TANC2: variants seen among roughly 807,000 people sequenced by gnomAD.
TANC2 encodes the protein protein TANC2.
TANC2 carries 26 observed loss-of-function variants against 210.5 expected under a neutral mutation model. The observed-to-expected ratio is 0.12, with a 90% CI of 0.09 to 0.17. The LOEUF is 0.17. Ranked by LOEUF, TANC2 falls within the 10% of genes least tolerant of loss-of-function variation. TANC2 has a pLI of 1.00. For missense variants in TANC2, 2,129 were observed against 2,608.9 expected, an observed-to-expected ratio of 0.82 and a Z score of 4.01; for synonymous variants, 931 against 967.1, an observed-to-expected ratio of 0.96 and a Z score of 0.69.
intron 7 of TANC2, among the ~76,000 whole-genome samples, chr17:63,207,073 T>C (rs1473237231): frequency 6.6e-6 from 1 of 152,140 alleles, no homozygotes; most frequent in Non-Finnish European, 1.5e-5. Flanking sequence ...AGAGGTCATC[T>C]GAATTTTGTG....
At chr17:63,362,855 C>A (rs1305483981) in intron 14 of TANC2, among the ~76,000 whole-genome samples, 1 of 152,192 alleles carries the variant, frequency 6.6e-6, no homozygotes, top group Admixed American at 6.5e-5. Flanking sequence ...CTGGGCAGGG[C>A]TCCCACCCTG....
intron 2 of TANC2, among the ~76,000 whole-genome samples, chr17:63,047,506 A>G (rs2035428774): frequency 6.6e-6 from 1 of 152,152 alleles, no homozygotes; most frequent in Non-Finnish European, 1.5e-5. Flanking sequence ...GAATTCATTG[A>G]GATGGGGAGC....
chr17:63,122,465 A>G lies in TANC2; in HGVS notation c.322+23108A>G, dbSNP rs180880078. Among the ~76,000 whole-genome samples the G allele has an allele frequency of 5.3e-5, 8 of 152,324 alleles. No homozygotes were observed. In the East Asian group the frequency reaches 1.2e-3, roughly 22 times the overall value. ...AAGATATGGAAACATGGCTGGGTCT[A>G]GTGGCTCATGCCTGTAATCCCAGCA... On this transcript the variant is annotated intron_variant, in intron 4 of 27. Coordinates refer to ENST00000689528, the Ensembl canonical transcript of TANC2.
chr17:63,347,346 A>C (rs1024033924), intron 12 of TANC2, among the ~76,000 whole-genome samples: 45 of 152,186 alleles, frequency 3.0e-4, no homozygotes, highest in Admixed American at 5.9e-4. Context: ...TTGAGGACTG[A>C]CTGGAGGAGA....
intron 11 of TANC2, among the ~76,000 whole-genome samples, chr17:63,320,132 G>A (rs764502455): frequency 2.2e-4 from 34 of 152,004 alleles, no homozygotes; most frequent in Admixed American, 1.4e-3. Context: ...TCACTCTGGC[G>A]CCAAGGATAA....
At chr17:63,217,354 G>A (rs1444126975) in intron 7 of TANC2, among the ~76,000 whole-genome samples, 1 of 152,132 alleles carries the variant, frequency 6.6e-6, no homozygotes, top group Non-Finnish European at 1.5e-5. Context: ...TTAAGGGTGA[G>A]GTAGGGACAT....
chr17:63,419,138 A>T (rs1319352328), intron 27 of TANC2, among the ~76,000 whole-genome samples: 1 of 152,196 alleles, frequency 6.6e-6, no homozygotes, highest in Non-Finnish European at 1.5e-5. Context: ...ATGGGAAAGA[A>T]CTGCTTCAGG....
chr17:62,996,732 C>T (rs752954839), intron 1 of TANC2, among the ~76,000 whole-genome samples: 2 of 151,926 alleles, frequency 1.3e-5, no homozygotes, highest in South Asian at 4.2e-4. Context: ...TTTCTCTCTT[C>T]GTTTTTTTTG....
At position 63,082,583 on chromosome 17, in the gene TANC2, A is replaced by C. The variant is rs561425223; in HGVS notation, c.139+8569A>C. Among the ~76,000 whole-genome samples, 8 of 152,292 alleles carry C rather than the reference A, an allele frequency of 5.3e-5. No homozygotes were observed. In the East Asian group the frequency reaches 9.6e-4, roughly 18 times the overall value. ...GAAGGGGAAATCACAAGGAGCTAGA[A>C]ATGAGCAGAGAGGTAATTTTCTGAT... On this transcript the variant is annotated intron_variant, in intron 3 of 27. Transcript: ENST00000689528.
At chr17:63,245,007 A>G (rs2042877658) in intron 8 of TANC2, among the ~76,000 whole-genome samples, 2 of 152,160 alleles carry the variant, frequency 1.3e-5, no homozygotes, top group Admixed American at 1.3e-4. Flanking sequence ...TGTGTAAATT[A>G]CCCAGTCTAG....
intron 5 of TANC2, among the ~76,000 whole-genome samples, chr17:63,166,335 G>T (rs1343060440): frequency 6.6e-6 from 1 of 151,958 alleles, no homozygotes; most frequent in Non-Finnish European, 1.5e-5. Context: ...GAGAGATAGA[G>T]ATTGTTTGGA....
chr17:63,358,431 CTG>C (rs1457848092), intron 14 of TANC2, among the ~76,000 whole-genome samples: 3 of 115,568 alleles, frequency 2.6e-5, no homozygotes, highest in Non-Finnish European at 5.6e-5. Flanking sequence ...GTGTATCAAA[CTG>C]TAAGCAGAGT....
chr17:62,967,309 G>C (rs1285339367), intron 1 of TANC2: 1 of 152,102 alleles, frequency 6.6e-6, no homozygotes, highest in African/African-American at 2.4e-5. Context: ...TTTTGAGGTA[G>C]AGAAAGTAAC....
chr17:63,115,012 G>T (rs550475827), intron 4 of TANC2, among the ~76,000 whole-genome samples: 32 of 152,260 alleles, frequency 2.1e-4, no homozygotes, highest in African/African-American at 7.5e-4. Flanking sequence ...ATTTTTTGCA[G>T]AACTTTTCTG....
intron 18 of TANC2, 38 bp downstream of exon 18, chr17:63,395,966 G>C: frequency 2.0e-6 from 3 of 1,536,502 alleles, no homozygotes; most frequent in Non-Finnish European, 2.6e-6. Flanking sequence ...TTCAAGCTCT[G>C]TATTGAAGGA....
At chr17:62,996,994 T>TTTTTTTTTTTTTTG (rs2033144497) in intron 1 of TANC2, among the ~76,000 whole-genome samples, 4 of 143,660 alleles carry the variant, frequency 2.8e-5, no homozygotes, top group Admixed American at 6.9e-5. Context: ...TTTGTATTTT[T>TTTTTTTTTTTTTTG]AGTATAGATG....
intron 14 of TANC2, among the ~76,000 whole-genome samples, chr17:63,373,237 T>C (rs1007407272): frequency 2.0e-5 from 3 of 152,168 alleles, no homozygotes; most frequent in Non-Finnish European, 2.9e-5. Context: ...AGTTGTGCTC[T>C]GTCATGCTTT....
At chr17:63,099,481 G>A in intron 4 of TANC2, 124 bp downstream of exon 4, 2 of 536,380 alleles carry the variant, frequency 3.7e-6, no homozygotes, top group African/African-American at 2.6e-5. Flanking sequence ...TAATGTCACA[G>A]ACTCTTGACA....
In TANC2 at chr17:63,389,777, G is replaced by T. The variant is rs1348334681; in HGVS notation, c.3051+233G>T. The stretch of plus-strand genomic sequence containing the variant: ...GGTGCTTGGGAAACTGCATTTATCC[G>T]TAACCACAAAAAGTTTCTACATAAC... On this transcript the variant is annotated intron_variant, in intron 17 of 27. Transcript: ENST00000689528. 3 of 526,870 alleles carry T rather than the reference G, an allele frequency of 5.7e-6. No homozygotes were observed. In the East Asian group the frequency reaches 1.0e-4, roughly 18 times the overall value. The allele number at this position is 526,870 out of a possible 1,614,324, so 32.6% of individuals were successfully genotyped here. A position where few individuals can be genotyped will look rare whatever the true frequency, so the allele number is the denominator to read the frequency against.
Sources: gnomAD v4.1 joint callset for allele counts (sites outside exome capture counted in the v4.1 genomes callset) on GRCh38, gnomAD v4.1.1 for gene constraint, MANE v1.5 for transcripts, NCBI Gene and HGNC (gene_info 2026-07-23, HGNC 2026-07-21) for gene names.